Variants in DPM1 observed in about 807,000 individuals in gnomAD.
DPM1 encodes dolichol-phosphate mannosyltransferase subunit 1.
Under a neutral mutation model 39.0 loss-of-function variants are expected in DPM1, and 27 were observed. The observed-to-expected ratio is 0.69, with a 90% CI of 0.51 to 0.95. The LOEUF (loss-of-function observed/expected upper bound fraction) is 0.95. DPM1 is among the 40% of genes least tolerant of loss of function. The probability of loss-of-function intolerance (pLI) is 0.00; values close to 1 mark genes in which losing one functional copy is unlikely to be tolerated. For missense variants in DPM1, 307 were observed against 315.6 expected (o/e 0.97, Z 0.21); for synonymous variants, 124 against 109.0 (o/e 1.14, Z -0.86).
At chr20:50,945,322 G>GTGTC (rs778734928) in intron 5 of DPM1, among the ~76,000 whole-genome samples, 23 of 140,500 alleles carry the variant, frequency 1.6e-4, no homozygotes, top group Admixed American at 4.3e-4. Flanking sequence ...GTGTGTGTGT[G>GTGTC]TCTACTATCT....
At chr20:50,944,407 G>C (rs1986131745) in intron 5 of DPM1, 1 of 152,218 alleles carries the variant, frequency 6.6e-6, no homozygotes, top group Non-Finnish European at 1.5e-5. Context: ...GGTCTAAGGT[G>C]ACTTTACGCA....
intron 1 of DPM1, among the ~76,000 whole-genome samples, chr20:50,956,830 C>A (rs1986847481): frequency 6.6e-6 from 1 of 152,152 alleles, no homozygotes. Context: ...TGTCCCCTAC[C>A]ACTTCAAAGC....
At chr20:50,941,372 T>A (rs1985794737) in intron 6 of DPM1, among the ~76,000 whole-genome samples, 1 of 145,626 alleles carries the variant, frequency 6.9e-6, no homozygotes, top group Non-Finnish European at 1.5e-5. Flanking sequence ...TATATATTCA[T>A]ATTATATATA....
chr20:50,956,246 T>C (rs1986814497), intron 1 of DPM1, among the ~76,000 whole-genome samples: 1 of 152,162 alleles, frequency 6.6e-6, no homozygotes, highest in Non-Finnish European at 1.5e-5. Flanking sequence ...ACCAACACAA[T>C]ACTTGGTGGA....
intron 7 of DPM1, among the ~76,000 whole-genome samples, chr20:50,939,647 C>T (rs1985538709): frequency 6.9e-6 from 1 of 145,388 alleles, no homozygotes; most frequent in Non-Finnish European, 1.5e-5. Flanking sequence ...GACAGTCTTC[C>T]TCTGTCGCCA....
intron 7 of DPM1, among the ~76,000 whole-genome samples, chr20:50,937,002 A>G (rs1985222962): frequency 6.6e-6 from 1 of 151,732 alleles, no homozygotes; most frequent in African/African-American, 2.4e-5. Flanking sequence ...CACTTTCTTC[A>G]GTAACTAAAT....
chr20:50,945,819 A>G (rs953676047), intron 4 of DPM1, 28 bp downstream of exon 4: 7 of 1,611,674 alleles, frequency 4.3e-6, no homozygotes, highest in Non-Finnish European at 5.9e-6. Flanking sequence ...ACTACCATAA[A>G]TAGCTAATAA....
At chr20:50,950,204 ATCTAAC>A (rs1401925547) in intron 2 of DPM1, among the ~76,000 whole-genome samples, 6 of 152,246 alleles carry the variant, frequency 3.9e-5, no homozygotes, top group Admixed American at 6.5e-5. Flanking sequence ...GCTGATAACA[ATCTAAC>A]TCTAACTGCT....
At chr20:50,942,435 G>A (rs1183773798) in intron 5 of DPM1, among the ~76,000 whole-genome samples, 2 of 151,740 alleles carry the variant, frequency 1.3e-5, no homozygotes, top group African/African-American at 2.4e-5. Context: ...AACCCAGGAG[G>A]CAGGTTGCAG....
intron 3 of DPM1, among the ~76,000 whole-genome samples, chr20:50,947,111 G>A (rs891355603): frequency 6.6e-6 from 1 of 152,262 alleles, no homozygotes; most frequent in Non-Finnish European, 1.5e-5. Flanking sequence ...GGGAGGCTGA[G>A]GCAGGAGAAT....
intron 2 of DPM1, among the ~76,000 whole-genome samples, chr20:50,954,582 A>T (rs912780581): frequency 6.6e-6 from 1 of 152,252 alleles, no homozygotes; most frequent in Non-Finnish European, 1.5e-5. Flanking sequence ...ATTATAAAAT[A>T]AACTCTATAT....
At chr20:50,942,413 G>A (rs1249326266) in intron 5 of DPM1, among the ~76,000 whole-genome samples, 4 of 151,698 alleles carry the variant, frequency 2.6e-5, no homozygotes, top group African/African-American at 7.3e-5. Flanking sequence ...GGCTGAGGCA[G>A]AGAATCACTT....
chr20:50,955,231 C>A lies in DPM1; in HGVS notation c.216G>T (p.Arg72Ser). The A allele has an allele frequency of 6.2e-7, 1 of 1,613,232 alleles. No individual in the cohort carries two copies. Among genetic ancestry groups the A allele is most frequent in the African/African-American group, 1.3e-5 (1 of 75,002 alleles). ...IIDDGSPDGT[R>S]DVAEQLEKIY... ...TCTTCTCCAACTGTTCAGCAACATC[C>A]CTTGTTCCATCTGGGCTTCCATCAT... The change falls in exon 2 of 9, where the codon AGG becomes AGT. Residue 72 changes from arginine (R) to serine (S), a missense_variant. Physicochemically the swap from Arg to Ser is moderately radical, Grantham distance 110 (BLOSUM62 -1). This residue lies in a region of DPM1 where 206 missense variants were observed against 188.2 expected (regional missense o/e 1.09). Coordinates refer to ENST00000371588, the MANE Select transcript of DPM1 (RefSeq NM_003859.3).
intron 6 of DPM1, among the ~76,000 whole-genome samples, chr20:50,941,374 TTATA>T (rs1338514516): frequency 1.4e-5 from 2 of 142,826 alleles, no homozygotes; most frequent in East Asian, 3.9e-4. Flanking sequence ...TATATTCATA[TTATA>T]TATATTCATA....
rs202112706 is a variant in DPM1, at chr20:50,948,579, T to C, written c.295+50A>G. 14 of 1,579,962 alleles carry C rather than the reference T, an allele frequency of 8.9e-6. No individual in the cohort carries two copies. In the Admixed American group the frequency reaches 1.8e-4, roughly 21 times the overall value. ...AACTGGGAAAATACACACTGGATCA[T>C]GTCACCAAGCAAGCAGCAGGTGTGA... On this transcript the variant is annotated intron_variant, in intron 3 of 8. Coordinates refer to ENST00000371588, the MANE Select transcript of DPM1 (RefSeq NM_003859.3).
In DPM1 at chr20:50,935,182, C is replaced by T; in HGVS notation, c.733G>A (p.Glu245Lys). The T allele has an allele frequency of 6.2e-7, 1 of 1,609,920 alleles. No individual in the cohort carries two copies. The highest frequency in any genetic ancestry group is 8.5e-7 in the Non-Finnish European group (1 of 1,177,078). ...VYGESKLGGN[E>K]IVSFLKGLLT... The stretch of plus-strand genomic sequence containing the variant: ...AATCCTTTCAAGAAAGATACTATTT[C>T]ATTTCCTCCCAACTTGGATTCACCA... Residue 245 changes from glutamate to lysine, a missense_variant, in exon 9 of 9, where the codon GAA becomes AAA. Around this residue, in one of 3 missense-constraint regions of DPM1, gnomAD observed 70 missense variants for 69.4 expected, o/e 1.01. Coordinates refer to ENST00000371588, the MANE Select transcript of DPM1 (RefSeq NM_003859.3).
chr20:50,948,607 G>T (rs1340474699), intron 3 of DPM1, 22 bp downstream of exon 3: 1 of 1,611,970 alleles, frequency 6.2e-7, no homozygotes, highest in Non-Finnish European at 8.5e-7. Context: ...AGGTGTGAGG[G>T]GTTAGAGATT....
Position 50,955,176 on chromosome 20 carries a change from T to A in DPM1, c.261+10A>T. 1 of 1,595,508 alleles carries A rather than the reference T, an allele frequency of 6.3e-7. No homozygotes were observed. The highest frequency in any genetic ancestry group is 8.6e-7 in the Non-Finnish European group (1 of 1,164,448). ...AATTCATATCACAGAAAAATGTTCT[T>A]ATAACTTACAATTCTGTCTGACCCA... On this transcript the variant is annotated intron_variant, in intron 2 of 8. Transcript: ENST00000371588.
At chr20:50,935,450 A>C (rs1985068759) in intron 8 of DPM1, among the ~76,000 whole-genome samples, 1 of 152,194 alleles carries the variant, frequency 6.6e-6, no homozygotes, top group Non-Finnish European at 1.5e-5. Flanking sequence ...ACATGAAACA[A>C]ATCTGCAACT....
Sources: gnomAD v4.1 joint callset for allele counts (sites outside exome capture counted in the v4.1 genomes callset) on GRCh38, gnomAD v4.1.1 for gene constraint, gnomAD v4.1.1 regional missense constraint, MANE v1.5 for transcripts, NCBI Gene and HGNC (gene_info 2026-07-23, HGNC 2026-07-21) for gene names.